The following IL1R1 variants were observed in gnomAD, a reference collection of about 807,000 sequenced individuals.
The protein encoded by IL1R1 is interleukin 1 receptor type 1, also known as interleukin-1 receptor type 1.
In IL1R1, 22 loss-of-function variants were observed where a neutral mutation model predicts 50.2. That is an observed-to-expected ratio of 0.44 (90% CI 0.31 to 0.63). The LOEUF (loss-of-function observed/expected upper bound fraction) is 0.63. Ranked by LOEUF, IL1R1 falls within the 20% of genes least tolerant of loss-of-function variation. The pLI, the probability that IL1R1 is intolerant of heterozygous loss-of-function variation, is 0.07. For missense variants in IL1R1, 509 were observed against 676.2 expected (o/e 0.75, Z 2.74); for synonymous variants, 251 against 236.7 (o/e 1.06, Z -0.55).
intron 1 of IL1R1, among the ~76,000 whole-genome samples, chr2:102,085,984 T>A (rs1410740734): frequency 6.6e-6 from 1 of 152,176 alleles, no homozygotes; most frequent in African/African-American, 2.4e-5. Context: ...TTTTAGGTGG[T>A]TACTATTTTT....
upstream of IL1R1, among the ~76,000 whole-genome samples, chr2:102,137,755 C>A (rs1288372553): frequency 5.9e-5 from 9 of 152,196 alleles, no homozygotes; most frequent in African/African-American, 2.2e-4. Flanking sequence ...GACTTTACCT[C>A]TAAATTAGAT....
At position 102,165,317 on chromosome 2, in the gene IL1R1, T is replaced by G; in HGVS notation, c.486+13T>G. The G allele has an allele frequency of 4.3e-6, 6 of 1,392,812 alleles. No individual in the cohort carries two copies. The highest frequency in any genetic ancestry group is 5.9e-6 in the Non-Finnish European group (6 of 1,021,298). The allele number at this position is 1,392,812 out of a possible 1,614,324, so 86.3% of individuals were successfully genotyped here. A position where few individuals can be genotyped will look rare whatever the true frequency, so the allele number is the denominator to read the frequency against. ...ACAGTGGTATAAGGTAATTTTATTTTAAATATGACATTTCACTTTTCCAGA... is the reference window on the plus strand; with the variant it reads ...ACAGTGGTATAAGGTAATTTTATTTGAAATATGACATTTCACTTTTCCAGA... On this transcript the variant is annotated intron_variant, in intron 5 of 11. Coordinates refer to ENST00000410023, the MANE Select transcript of IL1R1 (RefSeq NM_000877.4).
intron 1 of IL1R1, among the ~76,000 whole-genome samples, chr2:102,092,040 A>T (rs1679691485): frequency 6.6e-6 from 1 of 152,184 alleles, no homozygotes; most frequent in African/African-American, 2.4e-5. Flanking sequence ...GCCATTTCCA[A>T]AGCTTCCACA....
chr2:102,078,076 A>G (rs914695079), intron 1 of IL1R1, among the ~76,000 whole-genome samples: 3 of 152,194 alleles, frequency 2.0e-5, no homozygotes, highest in African/African-American at 7.2e-5. Context: ...AAAGCTATAC[A>G]TAGAGAAAAA....
chr2:102,091,902 T>C (rs572827618), intron 1 of IL1R1, among the ~76,000 whole-genome samples: 62 of 152,224 alleles, frequency 4.1e-4, no homozygotes, highest in Non-Finnish European at 8.1e-4. Flanking sequence ...GTCTGCCTTG[T>C]TCCACTTAAT....
chr2:102,169,806 CT>C (rs1252460237), intron 7 of IL1R1, among the ~76,000 whole-genome samples: 2 of 152,208 alleles, frequency 1.3e-5, no homozygotes, highest in African/African-American at 4.8e-5. Flanking sequence ...TCTCAACCAT[CT>C]TTTTTTGTTT....
rs368613591 is a variant in IL1R1, at chr2:102,166,106, T to C, written c.487-7T>C. ...GGTTTTCAATGCTTCTCTCTCCCTTTATCTAGGATTGCAAACCTCTACTTC... is the reference window on the plus strand; with the variant it reads ...GGTTTTCAATGCTTCTCTCTCCCTTCATCTAGGATTGCAAACCTCTACTTC... On this transcript the variant is annotated splice_region_variant and splice_polypyrimidine_tract_variant and intron_variant, in intron 5 of 11. Transcript: ENST00000410023. 4 of 1,609,234 alleles carry C rather than the reference T, an allele frequency of 2.5e-6. No individual in the cohort carries two copies. Among genetic ancestry groups the C allele is most frequent in the Non-Finnish European group, 3.4e-6 (4 of 1,176,706 alleles).
chr2:102,178,489 A>G lies in IL1R1; in HGVS notation c.*1730A>G, dbSNP rs202052639. 1.5e-4 allele frequency: 23 copies of G among 152,446 alleles called. No homozygotes were observed. The East Asian group carries it at 1.9e-3, about 12-fold the overall frequency. 9.4% of individuals were successfully genotyped at this position (152,446 alleles called of 1,614,324 possible). On this transcript the variant is annotated 3_prime_UTR_variant, in exon 12 of 12. Transcript: ENST00000410023. ...AAGTGACCTATTTTTTAAAAAAATC[A>G]CACTCTAAGTTCTATTGAACCTAGG... is the stretch of plus-strand genomic sequence containing the variant.
intron 1 of IL1R1, among the ~76,000 whole-genome samples, chr2:102,094,100 A>C (rs1372444665): frequency 6.6e-6 from 1 of 152,232 alleles, no homozygotes; most frequent in South Asian, 2.1e-4. Context: ...ACTACCATTC[A>C]ATTTCATCAT....
intron 7 of IL1R1, among the ~76,000 whole-genome samples, chr2:102,170,925 G>A (rs1389387038): frequency 6.6e-6 from 1 of 152,142 alleles, no homozygotes; most frequent in African/African-American, 2.4e-5. Flanking sequence ...GCTGGGTGTG[G>A]TGGTGCACAC....
At chr2:102,139,586 G>A (rs1431516429), upstream of IL1R1, among the ~76,000 whole-genome samples, 1 of 152,232 alleles carries the variant, frequency 6.6e-6, no homozygotes, top group African/African-American at 2.4e-5. Flanking sequence ...GAGTTGTTTG[G>A]ATCATGGGGG....
intron 7 of IL1R1, among the ~76,000 whole-genome samples, 189 bp from the exon 8 acceptor site, chr2:102,171,611 CA>C (rs1055995913): frequency 1.9e-4 from 29 of 152,164 alleles, no homozygotes; most frequent in Admixed American, 5.2e-4. Flanking sequence ...TGCACATGTT[CA>C]CAGAGAAGAT....
chr2:102,125,027 A>G (rs1283762065), intron 1 of IL1R1, among the ~76,000 whole-genome samples: 1 of 152,238 alleles, frequency 6.6e-6, no homozygotes, highest in East Asian at 1.9e-4. Flanking sequence ...CCCTTGACAC[A>G]TGGAGATTAC....
At position 102,084,255 on chromosome 2, in the gene IL1R1, G is replaced by A. The variant is rs562636710; in HGVS notation, c.-84+13722G>A. ...ACATCTTTTGTGCGTTTCCTCCTTGGTTCCCAGGAATGCTGGAAAAAGAGG... is the reference window on the plus strand; with the variant it reads ...ACATCTTTTGTGCGTTTCCTCCTTGATTCCCAGGAATGCTGGAAAAAGAGG... On this transcript the variant is annotated intron_variant, in intron 1 of 11. Coordinates refer to the IL1R1 transcript ENST00000409929. Among the ~76,000 whole-genome samples the A allele has an allele frequency of 7.6e-4, 116 of 152,300 alleles. No homozygotes were observed. The South Asian group carries it at 0.023, about 30-fold the overall frequency.
intron 1 of IL1R1, among the ~76,000 whole-genome samples, chr2:102,088,718 G>GT (rs1299687219): frequency 6.6e-6 from 1 of 152,168 alleles, no homozygotes; most frequent in Non-Finnish European, 1.5e-5. Context: ...ACAGAAGGCT[G>GT]TTTTGTCTAC....
chr2:102,163,365 A>T (rs1212684418), intron 3 of IL1R1, among the ~76,000 whole-genome samples: 1 of 152,100 alleles, frequency 6.6e-6, no homozygotes, highest in Non-Finnish European at 1.5e-5. Context: ...CATGTATTGA[A>T]GTTGTCCTAA....
Position 102,176,416 on chromosome 2 carries a change from G to A in IL1R1, c.1367G>A (p.Arg456Lys), listed in dbSNP as rs763067881. The change falls in exon 12 of 12, where the codon AGA (arginine) becomes AAA (lysine). Residue 456 changes from arginine to lysine, a missense_variant. By Grantham distance (26) the Arg-to-Lys change is conservative (BLOSUM62 2). Transcript: ENST00000410023. ...KSRRLIIILV[R>K]ETSGFSWLGG... ...AGAAGACTGATTATCATTTTAGTCA[G>A]AGAAACATCAGGCTTCAGCTGGCTG... 19 of 1,614,022 alleles carry A rather than the reference G, an allele frequency of 1.2e-5. No individual in the cohort carries two copies. The highest frequency in any genetic ancestry group is 1.0e-4 in the Admixed American group (6 of 60,002).
rs1685806456 is a variant in IL1R1 at position 102,172,826 on chromosome 2, T to C, written c.979T>C (p.Leu327=). Residue 327 remains leucine (L), a synonymous_variant, in exon 9 of 12, where the codon TTA becomes CTA. Coordinates refer to ENST00000410023, the MANE Select transcript of IL1R1 (RefSeq NM_000877.4). ...THGIDAAYIQ[L]IYPVTNFQKH... Reference sequence around the variant, plus strand: ...TGGTATAGATGCAGCATATATCCAGTTAATATATCCAGGTAAACAACAAAC... The same window carrying C: ...TGGTATAGATGCAGCATATATCCAGCTAATATATCCAGGTAAACAACAAAC... The C allele has an allele frequency of 6.2e-7, 1 of 1,600,448 alleles. No individual in the cohort carries two copies. The highest frequency in any genetic ancestry group is 8.5e-7 in the Non-Finnish European group (1 of 1,172,286).
intron 3 of IL1R1, among the ~76,000 whole-genome samples, chr2:102,159,276 A>C (rs1308406258): frequency 2.0e-5 from 3 of 152,198 alleles, no homozygotes; most frequent in African/African-American, 7.2e-5. Flanking sequence ...TGTAGTTAGG[A>C]AAGATAAGAA....
Sources: gnomAD v4.1 joint callset for allele counts (sites outside exome capture counted in the v4.1 genomes callset) on GRCh38, gnomAD v4.1.1 for gene constraint, MANE v1.5 for transcripts, NCBI Gene and HGNC (gene_info 2026-07-23, HGNC 2026-07-21) for gene names.